The following HDAC9 variants were observed in gnomAD, a reference collection of about 807,000 sequenced individuals.
The protein encoded by HDAC9 is MEF-2 interacting transcription repressor (MITR) protein.
A neutral mutation model predicts 139.4 loss-of-function variants in HDAC9; 41 were observed. The ratio of observed to expected loss-of-function variants is 0.29; its 90% confidence interval spans 0.23 to 0.38. The LOEUF (loss-of-function observed/expected upper bound fraction) is 0.38. Ranked by LOEUF, HDAC9 falls within the 10% of genes least tolerant of loss-of-function variation. The pLI, the probability that HDAC9 is intolerant of heterozygous loss-of-function variation, is 1.00. For synonymous variants in HDAC9, 517 were observed against 476.2 expected (o/e 1.09, Z -1.12); for missense variants, 1,147 against 1,297.0 (o/e 0.88, Z 1.78).
intron 17 of HDAC9, among the ~76,000 whole-genome samples, chr7:18,799,036 C>T (rs961098543): frequency 4.5e-5 from 5 of 110,736 alleles, no homozygotes; most frequent in African/African-American, 1.6e-4. Context: ...AAAATGTGCC[C>T]TAAGACACAC....
intron 2 of HDAC9, among the ~76,000 whole-genome samples, chr7:18,203,136 T>C (rs765791137): frequency 1.3e-5 from 2 of 152,152 alleles, no homozygotes; most frequent in East Asian, 1.9e-4. Context: ...TTAGGAAAAA[T>C]AGACTAAAAA....
chr7:18,539,404 A>G (rs1177417381), intron 2 of HDAC9, among the ~76,000 whole-genome samples: 1 of 152,244 alleles, frequency 6.6e-6, no homozygotes, highest in Non-Finnish European at 1.5e-5. Context: ...ACTGTCACAG[A>G]TCAGAGGAGA....
intron 17 of HDAC9, among the ~76,000 whole-genome samples, chr7:18,801,409 A>G (rs753168777): frequency 2.6e-5 from 4 of 152,106 alleles, no homozygotes; most frequent in Non-Finnish European, 4.4e-5. Context: ...TTAATTAAAT[A>G]TTAAAAATTT....
chr7:18,609,963 A>G (rs925921065), intron 6 of HDAC9, among the ~76,000 whole-genome samples: 1 of 152,046 alleles, frequency 6.6e-6, no homozygotes, highest in Admixed American at 6.6e-5. Context: ...TGAACTCATC[A>G]TTTTTTATGG....
intron 6 of HDAC9, among the ~76,000 whole-genome samples, chr7:18,625,160 T>C (rs1562631188): frequency 6.6e-6 from 1 of 152,118 alleles, no homozygotes; most frequent in South Asian, 2.1e-4. Context: ...TTTAGAAATA[T>C]TAGTGGTATT....
In HDAC9 at chr7:18,976,029, C is replaced by T. The variant is rs1052948632; in HGVS notation, c.3170+76C>T. 3 of 1,466,970 alleles carry T rather than the reference C, an allele frequency of 2.0e-6. No homozygotes were observed. The African/African-American group carries it at 4.2e-5, about 20-fold the overall frequency. 90.9% of individuals were successfully genotyped at this position (1,466,970 alleles called of 1,614,324 possible). ...TCGTTGATATTTGTGAATCTTCCTC[C>T]TGGCTTTCCTTCACCTGTCTCCTCC... On this transcript the variant is annotated intron_variant, in intron 25 of 25. Coordinates refer to ENST00000686413, the MANE Select transcript of HDAC9 (RefSeq NM_178425.4).
At chr7:18,370,691 C>G (rs1402846553) in intron 1 of HDAC9, among the ~76,000 whole-genome samples, 1 of 152,144 alleles carries the variant, frequency 6.6e-6, no homozygotes, top group Non-Finnish European at 1.5e-5. Flanking sequence ...TAGCAATATA[C>G]TGGATTCTGT....
intron 21 of HDAC9, among the ~76,000 whole-genome samples, chr7:18,855,258 C>T (rs953311374): frequency 1.3e-5 from 2 of 152,066 alleles, no homozygotes; most frequent in Non-Finnish European, 2.9e-5. Context: ...AATATACACC[C>T]CCTAAAGATC....
chr7:18,911,597 C>T (rs558730780), intron 22 of HDAC9, among the ~76,000 whole-genome samples: 134 of 151,032 alleles, frequency 8.9e-4, no homozygotes, highest in African/African-American at 3.0e-3. Flanking sequence ...TTTTTAGATG[C>T]ATTGTTAGGT....
chr7:18,980,749 CT>C (rs1386353183), intron 25 of HDAC9, among the ~76,000 whole-genome samples: 3 of 134,928 alleles, frequency 2.2e-5, no homozygotes, highest in Non-Finnish European at 4.6e-5. Context: ...CTTCTTCCTT[CT>C]TCTTCTTCCT....
chr7:18,242,700 T>C (rs1202523041), intron 2 of HDAC9, among the ~76,000 whole-genome samples: 1 of 152,186 alleles, frequency 6.6e-6, no homozygotes, highest in African/African-American at 2.4e-5. Context: ...TTTTATGTTT[T>C]CCCTTTTCTG....
At chr7:18,871,890 A>G (rs1798945361) in intron 21 of HDAC9, among the ~76,000 whole-genome samples, 1 of 152,072 alleles carries the variant, frequency 6.6e-6, no homozygotes, top group Admixed American at 6.6e-5. Context: ...TGCTGACAAT[A>G]GGAAAATAAA....
At chr7:18,246,996 A>T (rs1481763199) in intron 2 of HDAC9, among the ~76,000 whole-genome samples, 1 of 152,082 alleles carries the variant, frequency 6.6e-6, no homozygotes, top group Non-Finnish European at 1.5e-5. Flanking sequence ...CAGTTGTTCT[A>T]ACGTGAGCAA....
chr7:18,311,876 G>A (rs1175700624), intron 1 of HDAC9, among the ~76,000 whole-genome samples: 1 of 152,194 alleles, frequency 6.6e-6, no homozygotes, highest in Non-Finnish European at 1.5e-5. Context: ...ATGTGTGTTT[G>A]TTTTAGGAAG....
chr7:18,594,122 G>C (rs898569255), intron 6 of HDAC9, 93 bp downstream of exon 6: 47 of 1,388,694 alleles, frequency 3.4e-5, no homozygotes, highest in Non-Finnish European at 4.6e-5. Context: ...CAAAGGATTT[G>C]AGTCGTAGAT....
intron 2 of HDAC9, among the ~76,000 whole-genome samples, chr7:18,244,617 T>C (rs1307858832): frequency 6.6e-6 from 1 of 152,050 alleles, no homozygotes; most frequent in East Asian, 1.9e-4. Flanking sequence ...GCTAACATGG[T>C]GAAACCCTAT....
At chr7:18,964,252 AT>A (rs1438554122) in intron 24 of HDAC9, among the ~76,000 whole-genome samples, 1 of 151,878 alleles carries the variant, frequency 6.6e-6, no homozygotes, top group East Asian at 1.9e-4. Context: ...ACCTTCATAT[AT>A]TTTTTCCTGC....
At chr7:18,528,867 C>G (rs554280234) in intron 2 of HDAC9, among the ~76,000 whole-genome samples, 1 of 152,100 alleles carries the variant, frequency 6.6e-6, no homozygotes, top group East Asian at 1.9e-4. Context: ...CCTGCCCAGT[C>G]TAGGGTGTGC....
intron 22 of HDAC9, among the ~76,000 whole-genome samples, chr7:18,920,407 GT>G (rs1316697142): frequency 6.6e-6 from 1 of 152,048 alleles, no homozygotes; most frequent in African/African-American, 2.4e-5. Context: ...AGACAATGGG[GT>G]TTTCTAGATA....
Sources: allele counts gnomAD v4.1 joint callset (sites outside exome capture counted in the v4.1 genomes callset), GRCh38; gene constraint gnomAD v4.1.1; transcripts MANE v1.5; gene names NCBI Gene and HGNC (gene_info 2026-07-23, HGNC 2026-07-21).